The following APBB2 variants were observed in gnomAD, a reference collection of about 807,000 sequenced individuals.
The protein encoded by APBB2 is amyloid beta precursor protein binding family B member 2.
A neutral mutation model predicts 82.5 loss-of-function variants in APBB2; 38 were observed. That is an observed-to-expected ratio of 0.46 (90% CI 0.36 to 0.60). The LOEUF is 0.60. Among genes scored for constraint, APBB2 ranks in the 20% least tolerant of loss-of-function variants. The probability of loss-of-function intolerance (pLI) is 0.00; values close to 1 mark genes in which losing one functional copy is unlikely to be tolerated. For synonymous variants in APBB2, 341 were observed against 368.2 expected, an observed-to-expected ratio of 0.93 and a Z score of 0.85; for missense variants, 772 against 972.3, an observed-to-expected ratio of 0.79 and a Z score of 2.74.
Position 40,815,285 on chromosome 4 carries a change from A to T in APBB2, c.*807T>A, listed in dbSNP as rs1745318650. 1 of 152,668 alleles carries T rather than the reference A, an allele frequency of 6.6e-6. No individual in the cohort carries two copies. The highest frequency in any genetic ancestry group is 1.5e-5 in the Non-Finnish European group (1 of 68,046). The allele number at this position is 152,668 out of a possible 1,614,324, so 9.5% of individuals were successfully genotyped here. A position where few individuals can be genotyped will look rare whatever the true frequency, so the allele number is the denominator to read the frequency against. Reference sequence around the variant, plus strand: ...AACTATAATTCTCTAGCTGCACCGTACAATATAAGGCAGAAGTTTGAAATA... The same window carrying T: ...AACTATAATTCTCTAGCTGCACCGTTCAATATAAGGCAGAAGTTTGAAATA... On this transcript the variant is annotated 3_prime_UTR_variant, in exon 18 of 18. Coordinates refer to ENST00000508593, the MANE Select transcript of APBB2 (RefSeq NM_004307.2).
chr4:40,880,329 CAT>C (rs1403257055), intron 12 of APBB2: 1 of 985,322 alleles, frequency 1.0e-6, no homozygotes, highest in African/African-American at 1.7e-5. Context: ...GCACTAAATT[CAT>C]AGTCACTGGA....
intron 12 of APBB2, among the ~76,000 whole-genome samples, chr4:40,877,577 G>GA: frequency 6.6e-6 from 1 of 152,260 alleles, no homozygotes; most frequent in Non-Finnish European, 1.5e-5. Flanking sequence ...TCAACTCTTT[G>GA]AAAAATGGCA....
intron 4 of APBB2, among the ~76,000 whole-genome samples, chr4:41,042,021 C>A (rs1392240318): frequency 3.9e-5 from 6 of 152,052 alleles, no homozygotes; most frequent in Admixed American, 3.9e-4. Context: ...GAGGCAGTCT[C>A]ACTCTGTCAC....
chr4:41,131,460 CA>C (rs1369966194), intron 2 of APBB2, among the ~76,000 whole-genome samples: 7 of 152,166 alleles, frequency 4.6e-5, no homozygotes, highest in Non-Finnish European at 8.8e-5. Flanking sequence ...CATACAAACA[CA>C]TACATATACA....
chr4:40,930,465 G>A (rs954928178), intron 10 of APBB2, among the ~76,000 whole-genome samples: 9 of 134,522 alleles, frequency 6.7e-5, no homozygotes, highest in South Asian at 2.2e-4. Flanking sequence ...GCGCGCGCGC[G>A]CGTGCGCGTG....
chr4:40,993,361 CTTTTTTTTTTT>C (rs34787320), intron 6 of APBB2, among the ~76,000 whole-genome samples: 29 of 114,620 alleles, frequency 2.5e-4, no homozygotes, highest in African/African-American at 9.8e-4. Flanking sequence ...ACTCTTCTCT[CTTTTTTTTTTT>C]TTTTTTTTTT....
At chr4:41,017,042 G>A (rs759118479) in intron 5 of APBB2, among the ~76,000 whole-genome samples, 3 of 151,866 alleles carry the variant, frequency 2.0e-5, no homozygotes, top group Non-Finnish European at 2.9e-5. Context: ...GACCACAGGC[G>A]TATACACCAC....
chr4:40,852,378 A>G (rs1275728305), intron 12 of APBB2, among the ~76,000 whole-genome samples: 1 of 150,586 alleles, frequency 6.6e-6, no homozygotes, highest in Non-Finnish European at 1.5e-5. Context: ...AAAAGTAATT[A>G]TGAATGGATT....
chr4:41,000,952 G>C (rs970348785), intron 6 of APBB2, among the ~76,000 whole-genome samples: 2 of 152,186 alleles, frequency 1.3e-5, no homozygotes, highest in African/African-American at 4.8e-5. Context: ...GCTTGTTCTG[G>C]AGAAAGGGAA....
At chr4:40,944,489 C>T (rs4343756) in intron 7 of APBB2, among the ~76,000 whole-genome samples, 57,768 of 152,024 alleles carry the variant, frequency 0.38, 11,624 homozygotes, top group Non-Finnish European at 0.46. Flanking sequence ...AATTATAATA[C>T]GTCTGGCCAA....
chr4:40,913,164 CAG>C (rs1385182541), intron 10 of APBB2, among the ~76,000 whole-genome samples: 1 of 151,980 alleles, frequency 6.6e-6, no homozygotes, highest in Non-Finnish European at 1.5e-5. Flanking sequence ...AAGAAAGGAG[CAG>C]AGACAGCCTG....
intron 6 of APBB2, among the ~76,000 whole-genome samples, chr4:40,999,671 T>C (rs954771612): frequency 6.6e-6 from 1 of 152,070 alleles, no homozygotes; most frequent in Non-Finnish European, 1.5e-5. Context: ...GAATCTCAGG[T>C]CCCAACCCAG....
intron 1 of APBB2, among the ~76,000 whole-genome samples, chr4:41,161,170 CAAAAA>C (rs33917178): frequency 0.25 from 21,557 of 86,408 alleles, 1,451 homozygotes; most frequent in Middle Eastern, 0.29. Flanking sequence ...TCTTCCCTGG[CAAAAA>C]AAAAAAAAAA....
chr4:40,920,370 C>A (rs560141945), intron 10 of APBB2, among the ~76,000 whole-genome samples: 2 of 152,220 alleles, frequency 1.3e-5, no homozygotes, highest in African/African-American at 4.8e-5. Context: ...TACCCAGTCT[C>A]GTGTATGTCT....
chr4:41,123,811 ACT>A (rs1309353690), intron 2 of APBB2, among the ~76,000 whole-genome samples: 2 of 151,840 alleles, frequency 1.3e-5, no homozygotes, highest in Non-Finnish European at 1.5e-5. Context: ...CGACAGCAAG[ACT>A]CTGTCTCACA....
intron 4 of APBB2, among the ~76,000 whole-genome samples, chr4:41,053,381 T>TA (rs879351420): frequency 0.013 from 1,833 of 143,360 alleles, 24 homozygotes; most frequent in African/African-American, 0.042. Context: ...CCAAGGCAGT[T>TA]AAAAAAAAAA....
rs184502589 is a variant in APBB2 at position 40,985,950 on chromosome 4, G to A, written c.835+27633C>T. On this transcript the variant is annotated intron_variant, in intron 6 of 17. Transcript: ENST00000508593. ...CTTAAGTACAGACTTTTTCAACTCCGGTAATAGGTTGTCCCAGAGAAGAAA... is the reference window on the plus strand; with the variant it reads ...CTTAAGTACAGACTTTTTCAACTCCAGTAATAGGTTGTCCCAGAGAAGAAA... Among the ~76,000 whole-genome samples, 19 of 152,224 alleles carry A rather than the reference G, an allele frequency of 1.2e-4. 1 individual carries two copies. The highest frequency in any genetic ancestry group is 8.5e-4 in the Admixed American group (13 of 15,288).
intron 12 of APBB2, among the ~76,000 whole-genome samples, chr4:40,885,488 T>C (rs1317188125): frequency 6.6e-6 from 1 of 152,154 alleles, no homozygotes; most frequent in African/African-American, 2.4e-5. Context: ...GTCCCAGGTG[T>C]GCCTGCCCAC....
intron 12 of APBB2, among the ~76,000 whole-genome samples, chr4:40,870,968 C>T (rs560970387): frequency 1.5e-3 from 224 of 149,254 alleles, no homozygotes; most frequent in Non-Finnish European, 2.7e-3. Flanking sequence ...CCCAAAGTGC[C>T]GGGATTACAG....
Sources: allele counts gnomAD v4.1 joint callset (sites outside exome capture counted in the v4.1 genomes callset), GRCh38; gene constraint gnomAD v4.1.1; transcripts MANE v1.5; gene names NCBI Gene and HGNC (gene_info 2026-07-23, HGNC 2026-07-21).